Variants in PCCA observed in about 807,000 individuals in gnomAD.
PCCA encodes propionyl-CoA carboxylase alpha chain, mitochondrial.
In PCCA, 74 loss-of-function variants were observed where a neutral mutation model predicts 101.3. The ratio of observed to expected loss-of-function variants is 0.73; its 90% CI spans 0.61 to 0.89. The LOEUF is 0.89. PCCA is among the 40% of genes least tolerant of loss of function. The probability of loss-of-function intolerance (pLI) is 0.00; values close to 1 mark genes in which losing one functional copy is unlikely to be tolerated. For synonymous variants in PCCA, 294 were observed against 313.6 expected, an observed-to-expected ratio of 0.94 and a Z score of 0.66; for missense variants, 891 against 907.0, an observed-to-expected ratio of 0.98 and a Z score of 0.23.
intron 21 of PCCA, among the ~76,000 whole-genome samples, chr13:100,453,438 G>A (rs1175622986): frequency 6.6e-6 from 1 of 151,544 alleles, no homozygotes. Context: ...GGAGGTGGAG[G>A]TTGTAGTGAG....
chr13:100,197,871 C>A (rs767379816), intron 6 of PCCA, among the ~76,000 whole-genome samples: 1 of 152,062 alleles, frequency 6.6e-6, no homozygotes, highest in African/African-American at 2.4e-5. Flanking sequence ...CTAACATGCC[C>A]CAGATTTCAT....
chr13:100,305,485 T>TGTA (rs1293838002), intron 14 of PCCA, among the ~76,000 whole-genome samples: 25 of 152,198 alleles, frequency 1.6e-4, no homozygotes, highest in African/African-American at 6.0e-4. Context: ...AATGATAGGA[T>TGTA]GTAGTTAAAG....
At chr13:100,408,690 C>G (rs1435673164) in intron 19 of PCCA, among the ~76,000 whole-genome samples, 42 of 152,118 alleles carry the variant, frequency 2.8e-4, no homozygotes, top group Admixed American at 2.7e-3. Flanking sequence ...CAAAGCCTTG[C>G]CACTGGAGTT....
intron 12 of PCCA, chr13:100,293,265 A>G (rs1039530529): frequency 7.0e-5 from 33 of 471,346 alleles, no homozygotes; most frequent in Non-Finnish European, 1.2e-4. Context: ...GTACAGTACA[A>G]TTGTTGAAAT....
At chr13:100,150,366 A>T in intron 4 of PCCA, 1 of 237,730 alleles carries the variant, frequency 4.2e-6, no homozygotes. Context: ...ATATCCAAAC[A>T]TTTAAATTTA....
chr13:100,455,393 T>G (rs993951892), intron 21 of PCCA, among the ~76,000 whole-genome samples: 1 of 152,240 alleles, frequency 6.6e-6, no homozygotes, highest in South Asian at 2.1e-4. Context: ...CTTTATAATT[T>G]TCCCACATTT....
chr13:100,474,629 G>T (rs1333919490), intron 21 of PCCA, among the ~76,000 whole-genome samples: 2 of 152,054 alleles, frequency 1.3e-5, no homozygotes, highest in African/African-American at 4.8e-5. Flanking sequence ...GGGACTACAG[G>T]AATGCGCCAC....
At chr13:100,224,536 G>A (rs2060033543) in intron 7 of PCCA, among the ~76,000 whole-genome samples, 1 of 152,262 alleles carries the variant, frequency 6.6e-6, no homozygotes, top group Admixed American at 6.5e-5. Context: ...CTCAAGTGCT[G>A]CCAAAGTGGG....
rs564954536 is a variant in PCCA at position 100,206,467 on chromosome 13, T to A, written c.469-2865T>A. Among the ~76,000 whole-genome samples the A allele has an allele frequency of 5.7e-4, 86 of 151,988 alleles. 1 individual carries two copies. The highest frequency in any genetic ancestry group is 1.6e-3 in the Admixed American group (25 of 15,276). ...TTTTTAGTAGAGGCCACTATGTTGGTCAGGCTGGTCTCAAACTCCTGACCT... is the reference window on the plus strand; with the variant it reads ...TTTTTAGTAGAGGCCACTATGTTGGACAGGCTGGTCTCAAACTCCTGACCT... On this transcript the variant is annotated intron_variant, in intron 6 of 23. Transcript: ENST00000376285.
At chr13:100,141,365 T>G (rs897824397) in intron 4 of PCCA, among the ~76,000 whole-genome samples, 1 of 152,214 alleles carries the variant, frequency 6.6e-6, no homozygotes, top group African/African-American at 2.4e-5. Context: ...GCCAATTCTC[T>G]GTGAAACCAT....
chr13:100,125,551 T>G (rs2049875878), intron 4 of PCCA, among the ~76,000 whole-genome samples: 1 of 152,226 alleles, frequency 6.6e-6, no homozygotes, highest in Non-Finnish European at 1.5e-5. Context: ...AAACTTGCTA[T>G]TGCTCACTTT....
At chr13:100,495,912 A>T (rs1594001427) in intron 21 of PCCA, among the ~76,000 whole-genome samples, 1 of 152,350 alleles carries the variant, frequency 6.6e-6, no homozygotes, top group Non-Finnish European at 1.5e-5. Context: ...AATTTCACCC[A>T]GAGTCCGCAA....
At chr13:100,409,880 T>C (rs139823949) in intron 19 of PCCA, among the ~76,000 whole-genome samples, 2 of 151,924 alleles carry the variant, frequency 1.3e-5, no homozygotes, top group Admixed American at 1.3e-4. Context: ...CAACTGAACC[T>C]GTTGAGTAGC....
intron 21 of PCCA, among the ~76,000 whole-genome samples, chr13:100,504,053 G>C (rs1040498077): frequency 3.9e-5 from 6 of 152,226 alleles, no homozygotes; most frequent in South Asian, 2.1e-4. Flanking sequence ...GATGTGAGAG[G>C]GTGGATTAGT....
intron 7 of PCCA, among the ~76,000 whole-genome samples, chr13:100,234,474 TAAA>T (rs35693167): frequency 5.1e-5 from 7 of 136,604 alleles, no homozygotes; most frequent in Admixed American, 7.3e-5. Flanking sequence ...CTGCTTGGAG[TAAA>T]AAAAAAAAAA....
intron 17 of PCCA, among the ~76,000 whole-genome samples, chr13:100,335,866 C>T (rs566852552): frequency 6.6e-5 from 10 of 152,306 alleles, no homozygotes; most frequent in African/African-American, 2.4e-4. Context: ...AACAGTCCAG[C>T]CAGATTACCC....
At position 100,305,518 on chromosome 13, in the gene PCCA, C is replaced by T. The variant is rs73573293; in HGVS notation, c.1285-1674C>T. ...AAGTCAGAAGTTTTAGAACTTGTATCAGTCTCGTTTGTAAACACAGCATTA... is the reference window on the plus strand; with the variant it reads ...AAGTCAGAAGTTTTAGAACTTGTATTAGTCTCGTTTGTAAACACAGCATTA... On this transcript the variant is annotated intron_variant, in intron 14 of 23. Transcript: ENST00000376285. Among the ~76,000 whole-genome samples, 1,694 of 152,314 alleles carry T rather than the reference C, an allele frequency of 0.011. 35 individuals carry two copies. The highest frequency in any genetic ancestry group is 0.038 in the African/African-American group (1,577 of 41,570).
At chr13:100,451,163 C>A (rs952059080) in intron 21 of PCCA, among the ~76,000 whole-genome samples, 2 of 152,112 alleles carry the variant, frequency 1.3e-5, no homozygotes, top group Non-Finnish European at 2.9e-5. Flanking sequence ...TGAGGCCCAC[C>A]CACTGTGGAG....
chr13:100,474,496 C>T (rs541012858), intron 21 of PCCA, among the ~76,000 whole-genome samples: 1 of 151,178 alleles, frequency 6.6e-6, no homozygotes, highest in Admixed American at 6.6e-5. Flanking sequence ...CTGTCTCTCT[C>T]TCATATTGAG....
Sources: allele counts gnomAD v4.1 joint callset (sites outside exome capture counted in the v4.1 genomes callset), GRCh38; gene constraint gnomAD v4.1.1; transcripts MANE v1.5; gene names NCBI Gene and HGNC (gene_info 2026-07-23, HGNC 2026-07-21).